ADAMTSL1: variants seen among roughly 807,000 people sequenced by gnomAD.
The protein encoded by ADAMTSL1 is ADAMTS-like protein 1.
In ADAMTSL1, 126 loss-of-function variants were observed where a neutral mutation model predicts 201.8. That is an observed-to-expected ratio of 0.62 (90% CI 0.54 to 0.72). ADAMTSL1 has a LOEUF of 0.72. Ranked by LOEUF, ADAMTSL1 falls within the 30% of genes least tolerant of loss-of-function variation. The pLI is 0.00. For missense variants in ADAMTSL1, 2,679 were observed against 2,277.8 expected (o/e 1.18, Z -3.59); for synonymous variants, 1,121 against 903.4 (o/e 1.24, Z -4.32).
intron 1 of ADAMTSL1, among the ~76,000 whole-genome samples, chr9:17,909,029 G>A (rs1825831528): frequency 6.7e-6 from 1 of 149,844 alleles, no homozygotes; most frequent in African/African-American, 2.5e-5. Context: ...GGTGTGAGAT[G>A]GTATCTCATT....
At chr9:18,462,747 T>G (rs1342269713) in intron 2 of ADAMTSL1, among the ~76,000 whole-genome samples, 1 of 151,944 alleles carries the variant, frequency 6.6e-6, no homozygotes, top group African/African-American at 2.4e-5. Context: ...GAGACCAGCC[T>G]GGGTAACATG....
At chr9:18,173,616 A>G (rs546732014) in intron 2 of ADAMTSL1, among the ~76,000 whole-genome samples, 1 of 152,250 alleles carries the variant, frequency 6.6e-6, no homozygotes, top group Non-Finnish European at 1.5e-5. Context: ...CAAACAACAA[A>G]TAGATACCAA....
intron 1 of ADAMTSL1, among the ~76,000 whole-genome samples, chr9:18,502,822 T>C (rs1417579823): frequency 2.0e-5 from 3 of 152,128 alleles, no homozygotes; most frequent in Non-Finnish European, 4.4e-5. Context: ...ACAAGCACGG[T>C]GTCTCAACTA....
At chr9:17,989,740 T>G (rs1819073985) in intron 1 of ADAMTSL1, among the ~76,000 whole-genome samples, 2 of 151,930 alleles carry the variant, frequency 1.3e-5, no homozygotes, top group Admixed American at 6.6e-5. Context: ...AATGGGTATT[T>G]GTTTATTTCT....
At chr9:18,807,846 C>A (rs1426696781) in intron 20 of ADAMTSL1, among the ~76,000 whole-genome samples, 1 of 152,092 alleles carries the variant, frequency 6.6e-6, no homozygotes, top group Non-Finnish European at 1.5e-5. Context: ...TTCACTCCTT[C>A]TCTGCATCTA....
At chr9:17,926,516 G>C (rs1254510233) in intron 1 of ADAMTSL1, among the ~76,000 whole-genome samples, 1 of 152,136 alleles carries the variant, frequency 6.6e-6, no homozygotes, top group Non-Finnish European at 1.5e-5. Flanking sequence ...GAAGGAGGAG[G>C]AGAGTGCTGC....
chr9:18,546,931 C>T (rs925957656), intron 3 of ADAMTSL1, among the ~76,000 whole-genome samples: 2 of 152,080 alleles, frequency 1.3e-5, no homozygotes, highest in Non-Finnish European at 2.9e-5. Flanking sequence ...AGTTTGAAAA[C>T]ACCTGCTTTA....
At chr9:18,558,281 T>G (rs977453573) in intron 3 of ADAMTSL1, among the ~76,000 whole-genome samples, 1 of 152,190 alleles carries the variant, frequency 6.6e-6, no homozygotes, top group African/African-American at 2.4e-5. Context: ...GTTCTTGTGT[T>G]AGTTTGCTGA....
intron 20 of ADAMTSL1, among the ~76,000 whole-genome samples, chr9:18,802,150 C>A (rs1251115738): frequency 6.6e-6 from 1 of 152,012 alleles, no homozygotes; most frequent in Non-Finnish European, 1.5e-5. Flanking sequence ...GTGGCACATA[C>A]CTGTGGTCCC....
At chr9:18,805,774 C>T (rs1203548499) in intron 20 of ADAMTSL1, among the ~76,000 whole-genome samples, 2 of 152,166 alleles carry the variant, frequency 1.3e-5, no homozygotes, top group Non-Finnish European at 2.9e-5. Flanking sequence ...CTGCACAGTA[C>T]TCCAGGAAAA....
chr9:18,778,721 T>G (rs1055474890), intron 19 of ADAMTSL1, among the ~76,000 whole-genome samples: 2 of 152,230 alleles, frequency 1.3e-5, no homozygotes, highest in African/African-American at 4.8e-5. Flanking sequence ...TTTATCTCAC[T>G]GAATAGAAGT....
chr9:18,177,931 A>C (rs897389259), intron 2 of ADAMTSL1, among the ~76,000 whole-genome samples: 1 of 152,204 alleles, frequency 6.6e-6, no homozygotes, highest in African/African-American at 2.4e-5. Flanking sequence ...CCAAGTGTGC[A>C]CGATGAATAC....
At chr9:18,226,359 A>G (rs1486664548) in intron 2 of ADAMTSL1, among the ~76,000 whole-genome samples, 1 of 152,120 alleles carries the variant, frequency 6.6e-6, no homozygotes, top group Non-Finnish European at 1.5e-5. Context: ...GTTTGGAATG[A>G]CAATTACTTT....
At chr9:17,998,265 A>G (rs931377775) in intron 1 of ADAMTSL1, among the ~76,000 whole-genome samples, 6 of 152,120 alleles carry the variant, frequency 3.9e-5, no homozygotes, top group African/African-American at 1.4e-4. Context: ...CAATGTCTCC[A>G]GAAGGCAAGG....
chr9:18,036,388 A>G (rs1271685608), intron 1 of ADAMTSL1, among the ~76,000 whole-genome samples: 1 of 152,188 alleles, frequency 6.6e-6, no homozygotes, highest in East Asian at 1.9e-4. Context: ...GAATATGAAC[A>G]TCTTCCAGTT....
chr9:18,283,521 G>A (rs1832872245), intron 2 of ADAMTSL1, among the ~76,000 whole-genome samples: 4 of 148,170 alleles, frequency 2.7e-5, no homozygotes, highest in Admixed American at 2.1e-4. Context: ...CAGGAAGTTC[G>A]CTTGAGCCTG....
intron 2 of ADAMTSL1, among the ~76,000 whole-genome samples, chr9:18,300,015 A>T (rs1833637249): frequency 6.6e-6 from 1 of 152,188 alleles, no homozygotes; most frequent in South Asian, 2.1e-4. Context: ...TATTGGTGGG[A>T]GTGTAAATTA....
At chr9:18,288,825 G>A (rs544197092) in intron 2 of ADAMTSL1, among the ~76,000 whole-genome samples, 1 of 152,178 alleles carries the variant, frequency 6.6e-6, no homozygotes, top group Non-Finnish European at 1.5e-5. Flanking sequence ...GAAACAAAGA[G>A]TATGATCTAA....
chr9:18,818,187 T>G (rs1426720247), intron 21 of ADAMTSL1, among the ~76,000 whole-genome samples: 1 of 152,160 alleles, frequency 6.6e-6, no homozygotes, highest in African/African-American at 2.4e-5. Context: ...AATGAATGGT[T>G]CTTGTGCCAT....
Sources: gnomAD v4.1 joint callset for allele counts (sites outside exome capture counted in the v4.1 genomes callset) on GRCh38, gnomAD v4.1.1 for gene constraint, MANE v1.5 for transcripts, NCBI Gene and HGNC (gene_info 2026-07-23, HGNC 2026-07-21) for gene names.